Variants in ZMIZ1 observed in about 807,000 individuals in gnomAD.
ZMIZ1 encodes the protein zinc finger MIZ-type containing 1.
Under a neutral mutation model 113.9 loss-of-function variants are expected in ZMIZ1, and 17 were observed. The ratio of observed to expected loss-of-function variants is 0.15; its 90% CI spans 0.10 to 0.22. The LOEUF (loss-of-function observed/expected upper bound fraction) is 0.22. Ranked by LOEUF, ZMIZ1 falls within the 10% of genes least tolerant of loss-of-function variation. ZMIZ1 has a pLI of 1.00. For missense variants in ZMIZ1, 1,059 were observed against 1,477.8 expected (o/e 0.72, Z 4.65); for synonymous variants, 607 against 603.1 (o/e 1.01, Z -0.09).
intron 2 of ZMIZ1, among the ~76,000 whole-genome samples, chr10:79,137,828 G>T (rs971394976): frequency 1.8e-5 from 2 of 110,576 alleles, no homozygotes. Flanking sequence ...CCCTCGGCTG[G>T]GGGGGGGGTG....
chr10:79,312,900 C>G lies in ZMIZ1; in HGVS notation c.*151C>G. ...GAGCCCTCCCCCGCTGCAGCCCTCT[C>G]AGAACAGAGGGGTAGGGAGGGTGCA... On this transcript the variant is annotated 3_prime_UTR_variant, in exon 25 of 25. Transcript: ENST00000334512. 1.5e-6 allele frequency: 1 copy of G among 675,536 alleles called. No individual in the cohort carries two copies. Among genetic ancestry groups the G allele is most frequent in the Non-Finnish European group, 2.5e-6 (1 of 400,088 alleles). 41.8% of individuals were successfully genotyped at this position (675,536 alleles called of 1,614,324 possible). A position where few individuals can be genotyped will look rare whatever the true frequency, so the allele number is the denominator to read the frequency against.
chr10:79,284,776 A>C (rs1564581442), intron 8 of ZMIZ1, among the ~76,000 whole-genome samples: 2 of 152,212 alleles, frequency 1.3e-5, no homozygotes, highest in Admixed American at 1.3e-4. Flanking sequence ...CAGAGCCCAC[A>C]TAGGGAACCT....
intron 7 of ZMIZ1, among the ~76,000 whole-genome samples, chr10:79,267,101 C>G (rs1851652982): frequency 6.6e-6 from 1 of 152,240 alleles, no homozygotes; most frequent in Non-Finnish European, 1.5e-5. Context: ...CTGCCTAGAC[C>G]AGCCTCCTGG....
intron 3 of ZMIZ1, among the ~76,000 whole-genome samples, chr10:79,161,409 G>C (rs1201700710): frequency 1.3e-5 from 2 of 152,140 alleles, no homozygotes; most frequent in Admixed American, 1.3e-4. Context: ...CCCTTGCTCA[G>C]TGCATCTGCT....
chr10:79,143,794 G>T (rs1845370295), intron 3 of ZMIZ1, among the ~76,000 whole-genome samples: 1 of 152,070 alleles, frequency 6.6e-6, no homozygotes. Context: ...GGGGCTGGGG[G>T]GTGGGGGTGG....
At chr10:79,264,198 G>A (rs1380570931) in intron 7 of ZMIZ1, among the ~76,000 whole-genome samples, 3 of 152,214 alleles carry the variant, frequency 2.0e-5, no homozygotes, top group African/African-American at 7.2e-5. Context: ...ACCCAGGCCA[G>A]CCTGGGGACT....
At position 79,311,060 on chromosome 10, in the gene ZMIZ1, G is replaced by C; in HGVS notation, c.2972G>C (p.Arg991Pro). ...APPPPPSQPP[R>P]QPPQAAPSSH... ...CCTCCTCCTCCTTCCCAGCCTCCCC[G>C]GCAGCCGCCACAGGCCGCTCCCAGC... Residue 991 changes from arginine (R) to proline (P), a missense_variant, in exon 24 of 25, where the codon CGG becomes CCG. Physicochemically the swap from Arg to Pro is moderately radical, Grantham distance 103 (BLOSUM62 -2). Around this residue, in one of 6 missense-constraint regions of ZMIZ1, gnomAD observed 225 missense variants for 276.0 expected, o/e 0.82. Coordinates refer to ENST00000334512, the MANE Select transcript of ZMIZ1 (RefSeq NM_020338.4). 6.2e-7 allele frequency: 1 copy of C among 1,613,376 alleles called. No homozygotes were observed. Among genetic ancestry groups the C allele is most frequent in the South Asian group, 1.1e-5 (1 of 91,074 alleles).
intron 1 of ZMIZ1, among the ~76,000 whole-genome samples, chr10:79,103,469 T>C (rs11597192): frequency 0.35 from 53,597 of 151,224 alleles, 10,288 homozygotes; most frequent in Non-Finnish European, 0.44. Context: ...GATGGCTTGG[T>C]TGAGGGGGAG....
chr10:79,180,975 T>C (rs1404381050), intron 4 of ZMIZ1, among the ~76,000 whole-genome samples: 1 of 152,168 alleles, frequency 6.6e-6, no homozygotes, highest in African/African-American at 2.4e-5. Flanking sequence ...TCCCACTGCT[T>C]TTTTCTGATG....
intron 12 of ZMIZ1, chr10:79,294,681 C>T (rs1853751451): frequency 6.6e-6 from 1 of 152,354 alleles, no homozygotes; most frequent in South Asian, 2.1e-4. Context: ...GGTTGCTCCC[C>T]ACGACCAAGC....
intron 4 of ZMIZ1, among the ~76,000 whole-genome samples, chr10:79,190,232 G>A (rs3889275): frequency 0.19 from 29,403 of 152,158 alleles, 3,250 homozygotes; most frequent in South Asian, 0.3. Context: ...GGGCAGGCCC[G>A]TTTGAGCTGT....
rs1330043934 is a variant in ZMIZ1, at chr10:79,293,609, C to G, written c.1186C>G (p.Gln396Glu). Residue 396 changes from glutamine to glutamate, a missense_variant, in exon 12 of 25, where the codon CAG becomes GAG. Physicochemically the swap from Gln to Glu is conservative, Grantham distance 29 (BLOSUM62 2). Coordinates refer to ENST00000334512, the MANE Select transcript of ZMIZ1 (RefSeq NM_020338.4). ...GCAGACCTACCCGGGCCCCCGGCCC[C>G]AGTCCCTTCCTATTCAGAACATAAA... ...PQQTYPGPRP[Q>E]SLPIQNIKRP... 1 of 1,613,134 alleles carries G rather than the reference C, an allele frequency of 6.2e-7. No individual in the cohort carries two copies. Among genetic ancestry groups the G allele is most frequent in the African/African-American group, 1.3e-5 (1 of 75,070 alleles).
chr10:79,145,256 A>G (rs1344600756), intron 3 of ZMIZ1, among the ~76,000 whole-genome samples: 2 of 151,804 alleles, frequency 1.3e-5, no homozygotes, highest in Non-Finnish European at 2.9e-5. Context: ...TCCTCTGCTC[A>G]CATTTCCATC....
At chr10:79,281,323 C>T (rs1259323055) in intron 8 of ZMIZ1, among the ~76,000 whole-genome samples, 7 of 152,216 alleles carry the variant, frequency 4.6e-5, no homozygotes, top group Admixed American at 4.6e-4. Context: ...GGTTCATTGA[C>T]AGGCAGACTG....
intron 23 of ZMIZ1, among the ~76,000 whole-genome samples, chr10:79,307,774 G>A (rs1016399364): frequency 3.3e-5 from 5 of 151,950 alleles, no homozygotes; most frequent in Non-Finnish European, 7.4e-5. Context: ...TAGGATTTCG[G>A]ATTCTCTGGA....
rs1252347506 is a variant in ZMIZ1 at position 79,293,871 on chromosome 10, G to A, written c.1230+218G>A. On this transcript the variant is annotated intron_variant, in intron 12 of 24. Transcript: ENST00000334512. ...GCCAGTCACCCTGCCTCCTAGGGCT[G>A]CTTGAGGGACTTGAGGAGGTGTCCG... 4.3e-5 allele frequency: 30 copies of A among 696,658 alleles called. No homozygotes were observed. In the East Asian group the frequency reaches 8.1e-4, roughly 19 times the overall value. 43.2% of individuals were successfully genotyped at this position (696,658 alleles called of 1,614,324 possible).
intron 7 of ZMIZ1, among the ~76,000 whole-genome samples, chr10:79,260,032 T>C (rs1186704682): frequency 6.6e-6 from 1 of 152,256 alleles, no homozygotes; most frequent in East Asian, 1.9e-4. Context: ...CATTCTGAGC[T>C]CTGAGCGTCT....
At chr10:79,285,338 CA>C (rs1389705101) in intron 8 of ZMIZ1, 1 of 375,018 alleles carries the variant, frequency 2.7e-6, no homozygotes, top group African/African-American at 2.1e-5. Context: ...CGGCAGCCAG[CA>C]GTTTCAGGGT....
intron 7 of ZMIZ1, among the ~76,000 whole-genome samples, chr10:79,235,253 G>A (rs1254875963): frequency 6.6e-6 from 1 of 152,228 alleles, no homozygotes; most frequent in Non-Finnish European, 1.5e-5. Context: ...GGGCTGGAAG[G>A]GAGCAGGCAC....
Sources: allele counts gnomAD v4.1 joint callset (sites outside exome capture counted in the v4.1 genomes callset), GRCh38; gene constraint gnomAD v4.1.1; regional missense constraint gnomAD v4.1.1; transcripts MANE v1.5; gene names NCBI Gene and HGNC (gene_info 2026-07-23, HGNC 2026-07-21).